The following KCNQ3 variants were observed in gnomAD, a reference collection of about 807,000 sequenced individuals.
KCNQ3 encodes potassium voltage-gated channel subfamily KQT member 3.
Under a neutral mutation model 92.5 loss-of-function variants are expected in KCNQ3, and 30 were observed. The observed-to-expected ratio is 0.32, with a 90% CI of 0.24 to 0.44. The LOEUF (loss-of-function observed/expected upper bound fraction) is 0.44. Among genes scored for constraint, KCNQ3 ranks in the 20% least tolerant of loss-of-function variants. The pLI, the probability that KCNQ3 is intolerant of heterozygous loss-of-function variation, is 1.00. For synonymous variants in KCNQ3, 450 were observed against 468.8 expected, an observed-to-expected ratio of 0.96 and a Z score of 0.52; for missense variants, 913 against 1,140.3, an observed-to-expected ratio of 0.80 and a Z score of 2.87.
intron 1 of KCNQ3, among the ~76,000 whole-genome samples, chr8:132,283,915 G>A (rs1420594237): frequency 6.6e-6 from 1 of 152,084 alleles, no homozygotes; most frequent in Non-Finnish European, 1.5e-5. Flanking sequence ...TCATTCAATT[G>A]AAACAAATAT....
At chr8:132,216,540 C>A (rs550020392) in intron 1 of KCNQ3, among the ~76,000 whole-genome samples, 24 of 152,286 alleles carry the variant, frequency 1.6e-4, no homozygotes, top group South Asian at 4.1e-4. Flanking sequence ...GCGTTGGAAC[C>A]AATTCCACTT....
chr8:132,140,525 A>G (rs1376928882), intron 10 of KCNQ3: 3 of 294,868 alleles, frequency 1.0e-5, no homozygotes, highest in South Asian at 9.4e-5. Context: ...CACACTGTGC[A>G]GGCCTCAGCT....
chr8:132,429,324 G>A (rs537784899), intron 1 of KCNQ3, among the ~76,000 whole-genome samples: 16 of 152,158 alleles, frequency 1.1e-4, no homozygotes, highest in African/African-American at 3.1e-4. Flanking sequence ...ATCTCTGGGC[G>A]AGGCAGAACT....
chr8:132,467,347 A>C (rs1168173340), intron 1 of KCNQ3, among the ~76,000 whole-genome samples: 1 of 152,230 alleles, frequency 6.6e-6, no homozygotes, highest in Admixed American at 6.5e-5. Context: ...TGAATGGAAC[A>C]AACAATGGTG....
intron 1 of KCNQ3, among the ~76,000 whole-genome samples, chr8:132,414,575 G>A (rs932048247): frequency 1.3e-5 from 2 of 152,226 alleles, no homozygotes; most frequent in East Asian, 1.9e-4. Context: ...ACAGATACTA[G>A]AACAGTTGCT....
intron 1 of KCNQ3, among the ~76,000 whole-genome samples, chr8:132,251,803 C>A (rs1815419882): frequency 6.6e-6 from 1 of 152,176 alleles, no homozygotes; most frequent in South Asian, 2.1e-4. Context: ...ACAGCTGGGC[C>A]CTGTGGGCTA....
intron 1 of KCNQ3, among the ~76,000 whole-genome samples, chr8:132,455,560 G>T (rs1288077489): frequency 6.6e-6 from 1 of 152,146 alleles, no homozygotes; most frequent in African/African-American, 2.4e-5. Context: ...GGCATTTTTT[G>T]AGCTTGGTAC....
chr8:132,195,259 C>T (rs1308676301), intron 1 of KCNQ3, among the ~76,000 whole-genome samples: 1 of 152,200 alleles, frequency 6.6e-6, no homozygotes, highest in Non-Finnish European at 1.5e-5. Context: ...TAAAAAAGTA[C>T]AAGGAATAAT....
At chr8:132,456,670 C>T (rs755977012) in intron 1 of KCNQ3, among the ~76,000 whole-genome samples, 3 of 151,574 alleles carry the variant, frequency 2.0e-5, no homozygotes, top group East Asian at 3.9e-4. Context: ...TGCAGTGGTG[C>T]GATCTTGGCA....
intron 1 of KCNQ3, among the ~76,000 whole-genome samples, chr8:132,383,044 A>G (rs1483609574): frequency 6.6e-6 from 1 of 152,162 alleles, no homozygotes; most frequent in Non-Finnish European, 1.5e-5. Context: ...AATTCTTCCT[A>G]AAACTCTCTC....
chr8:132,158,911 G>A (rs2130054844), intron 9 of KCNQ3, among the ~76,000 whole-genome samples: 1 of 152,168 alleles, frequency 6.6e-6, no homozygotes, highest in South Asian at 2.1e-4. Flanking sequence ...ATGGTACCTG[G>A]GACAGATTTT....
intron 1 of KCNQ3, among the ~76,000 whole-genome samples, chr8:132,214,037 C>T (rs1216968853): frequency 6.6e-6 from 1 of 152,144 alleles, no homozygotes; most frequent in Non-Finnish European, 1.5e-5. Flanking sequence ...TGTTCATCTT[C>T]ACTATAAAGA....
chr8:132,324,892 T>C (rs1393747431), intron 1 of KCNQ3, among the ~76,000 whole-genome samples: 2 of 152,092 alleles, frequency 1.3e-5, no homozygotes, highest in Non-Finnish European at 2.9e-5. Context: ...CTCCACTGAG[T>C]TCTACTTGTT....
rs556901256 is a variant in KCNQ3 at position 132,213,061 on chromosome 8, CT to C, written c.387-26881del. 9.5e-4 allele frequency among the ~76,000 whole-genome samples: 142 copies of C among 150,192 alleles called. 1 individual carries two copies. The highest frequency in any genetic ancestry group is 3.0e-3 in the African/African-American group (123 of 40,952). The stretch of plus-strand genomic sequence containing the variant: ...AACTTATGGAAAACTAAAACCAAGA[CT>C]TTTTTTTTTAAATATTATTTTGAAA... On this transcript the variant is annotated intron_variant, in intron 1 of 14. Transcript: ENST00000388996.
chr8:132,200,427 C>G (rs1827424363), intron 1 of KCNQ3, among the ~76,000 whole-genome samples: 1 of 151,222 alleles, frequency 6.6e-6, no homozygotes, highest in Non-Finnish European at 1.5e-5. Context: ...GCATTAAGAA[C>G]AAGTTTGCCA....
At chr8:132,324,041 A>G (rs191619564) in intron 1 of KCNQ3, among the ~76,000 whole-genome samples, 4 of 152,264 alleles carry the variant, frequency 2.6e-5, no homozygotes, top group Admixed American at 2.6e-4. Flanking sequence ...GTTTCTCTGA[A>G]GCCATCATAC....
intron 1 of KCNQ3, among the ~76,000 whole-genome samples, chr8:132,286,259 C>A (rs1170697413): frequency 2.0e-5 from 3 of 152,180 alleles, no homozygotes; most frequent in Admixed American, 2.0e-4. Context: ...GAGACAGCAG[C>A]CACGTGGACT....
chr8:132,243,127 G>A (rs1815047364), intron 1 of KCNQ3, among the ~76,000 whole-genome samples: 1 of 152,182 alleles, frequency 6.6e-6, no homozygotes, highest in East Asian at 1.9e-4. Flanking sequence ...AGAACTATCT[G>A]ATTAATATCC....
intron 1 of KCNQ3, among the ~76,000 whole-genome samples, chr8:132,226,365 C>T (rs1171470020): frequency 6.6e-6 from 1 of 151,890 alleles, no homozygotes; most frequent in Non-Finnish European, 1.5e-5. Context: ...TGTTTCTATC[C>T]CCTGCTGATG....
Sources: allele counts gnomAD v4.1 joint callset (sites outside exome capture counted in the v4.1 genomes callset), GRCh38; gene constraint gnomAD v4.1.1; transcripts MANE v1.5; gene names NCBI Gene and HGNC (gene_info 2026-07-23, HGNC 2026-07-21).